The following RANBP9 variants were observed in gnomAD, a reference collection of about 807,000 sequenced individuals.
RANBP9 encodes the protein ran-binding protein 9.
Under a neutral mutation model 84.3 loss-of-function variants are expected in RANBP9, and 15 were observed. The ratio of observed to expected loss-of-function variants is 0.18; its 90% CI spans 0.12 to 0.27. RANBP9 has a LOEUF of 0.27. RANBP9 is among the 10% of genes least tolerant of loss of function. RANBP9 has a pLI of 1.00. For synonymous variants in RANBP9, 392 were observed against 349.6 expected, an observed-to-expected ratio of 1.12 and a Z score of -1.35; for missense variants, 809 against 912.8, an observed-to-expected ratio of 0.89 and a Z score of 1.46.
rs184955561 is a variant in RANBP9, at chr6:13,692,971, T to C, written c.683+3814A>G. 7.2e-5 allele frequency among the ~76,000 whole-genome samples: 11 copies of C among 152,362 alleles called. No homozygotes were observed. In the South Asian group the frequency reaches 8.3e-4, roughly 11 times the overall value. ...AGCTATAAGTTAAGTACTGGAGTTA[T>C]AGAAATTAAAATAGTCCCTTACTCT... On this transcript the variant is annotated intron_variant, in intron 2 of 13. Transcript: ENST00000011619.
intron 2 of RANBP9, among the ~76,000 whole-genome samples, chr6:13,691,396 A>T (rs1766319033): frequency 6.6e-6 from 1 of 152,132 alleles, no homozygotes; most frequent in African/African-American, 2.4e-5. Flanking sequence ...TTTTCTAGGC[A>T]ATAAAGAAAT....
intron 5 of RANBP9, among the ~76,000 whole-genome samples, chr6:13,650,699 T>C (rs1765276568): frequency 1.3e-5 from 2 of 152,286 alleles, no homozygotes; most frequent in South Asian, 4.1e-4. Flanking sequence ...AGAGACATAA[T>C]AAGAGTAATC....
At position 13,626,832 on chromosome 6, in the gene RANBP9, T is replaced by C. The variant is rs886592538; in HGVS notation, c.1948-1068A>G. Among the ~76,000 whole-genome samples the C allele has an allele frequency of 2.6e-5, 4 of 152,334 alleles. No homozygotes were observed. In the East Asian group the frequency reaches 5.8e-4, roughly 22 times the overall value. On this transcript the variant is annotated intron_variant, in intron 12 of 13. Transcript: ENST00000011619. ...CCATTTTCCATCATTTCTCTAGTTA[T>C]CTTACTAGTGTTATGAAAGCAGAGG... is the stretch of plus-strand genomic sequence containing the variant.
intron 4 of RANBP9, among the ~76,000 whole-genome samples, chr6:13,653,005 G>A (rs1175262734): frequency 1.3e-5 from 2 of 152,094 alleles, no homozygotes; most frequent in African/African-American, 4.8e-5. Flanking sequence ...AAAGTTGGTT[G>A]CAAAATAGTC....
In RANBP9 at chr6:13,651,394, G is replaced by GT. The variant is rs200838299; in HGVS notation, c.927+1264dup. ...AGTTTTTTGTTGTTGTTGTTGTTTT[G>GT]TTTTTTTGTTTTTTTTTTGAGACAG... is the stretch of plus-strand genomic sequence containing the variant. On this transcript the variant is annotated intron_variant, in intron 5 of 13. Coordinates refer to ENST00000011619, the MANE Select transcript of RANBP9 (RefSeq NM_005493.3). Among the ~76,000 whole-genome samples the GT allele has an allele frequency of 3.6e-5, 3 of 83,740 alleles. No individual in the cohort carries two copies. In the East Asian group the frequency reaches 7.3e-4, roughly 20 times the overall value. The allele number at this position is 83,740 out of a possible 152,430, so 54.9% of individuals were successfully genotyped here.
In RANBP9 at chr6:13,679,794, ATGGAG is replaced by A. The variant is rs199969347; in HGVS notation, c.683+16986_683+16990del. On this transcript the variant is annotated intron_variant, in intron 2 of 13. Coordinates refer to ENST00000011619, the MANE Select transcript of RANBP9 (RefSeq NM_005493.3). ...CCAAATGAGATGTACCTATAAAACT[ATGGAG>A]ACTGAGATGCGTTTTACTGTTTTGT... 7.8e-3 allele frequency among the ~76,000 whole-genome samples: 1,188 copies of A among 152,296 alleles called. 13 individuals are homozygous for A. The highest frequency in any genetic ancestry group is 0.027 in the African/African-American group (1,109 of 41,576).
In RANBP9 at chr6:13,641,206, T is replaced by G; in HGVS notation, c.1327A>C (p.Thr443Pro). ...TTTATTATGCAAACTCACTTTAATG[T>G]GAAAAGGAGATTAGGATTTCTTTCA... ...LLERNPNLLF[T>P]LKVRQFIEMV... Residue 443 changes from threonine (T) to proline (P), a missense_variant, in exon 8 of 14, where the codon ACA becomes CCA. Thr to Pro is a conservative substitution (Grantham distance 38). Coordinates refer to ENST00000011619, the MANE Select transcript of RANBP9 (RefSeq NM_005493.3). 1 of 1,543,654 alleles carries G rather than the reference T, an allele frequency of 6.5e-7. No individual in the cohort carries two copies. The highest frequency in any genetic ancestry group is 8.8e-7 in the Non-Finnish European group (1 of 1,129,968).
chr6:13,662,871 T>C lies in RANBP9; in HGVS notation c.684-4039A>G, dbSNP rs144466708. ...GATGTACTTAATGGCAGACTGAAGA[T>C]GGCAAAACAAATAGTAACATGAAAA... On this transcript the variant is annotated intron_variant, in intron 2 of 13. Transcript: ENST00000011619. Among the ~76,000 whole-genome samples the C allele has an allele frequency of 1.8e-4, 27 of 151,804 alleles. No homozygotes were observed. The East Asian group carries it at 3.1e-3, about 17-fold the overall frequency.
At chr6:13,694,030 G>A (rs1278690332) in intron 2 of RANBP9, among the ~76,000 whole-genome samples, 1 of 152,072 alleles carries the variant, frequency 6.6e-6, no homozygotes, top group African/African-American at 2.4e-5. Flanking sequence ...GTGACAGAGC[G>A]AGACTCTGGC....
chr6:13,635,637 A>C (rs1391512504), intron 10 of RANBP9, among the ~76,000 whole-genome samples: 2 of 151,374 alleles, frequency 1.3e-5, no homozygotes, highest in Non-Finnish European at 2.9e-5. Flanking sequence ...AAAAAACAAG[A>C]GATCTAGGGA....
chr6:13,629,915 CTCTCTCGT>C (rs756048172), intron 12 of RANBP9, among the ~76,000 whole-genome samples: 240 of 126,340 alleles, frequency 1.9e-3, no homozygotes, highest in African/African-American at 6.4e-3. Context: ...CTCTCTCTCT[CTCTCTCGT>C]GTGTGTGTGT....
chr6:13,659,062 A>G (rs142712651), intron 2 of RANBP9, among the ~76,000 whole-genome samples: 440 of 152,264 alleles, frequency 2.9e-3, no homozygotes, highest in African/African-American at 1.0e-2. Flanking sequence ...AAATACACAC[A>G]AAGCATTAAT....
At chr6:13,632,263 G>A (rs575599343) in intron 12 of RANBP9, 107 bp downstream of exon 12, 58 of 1,121,446 alleles carry the variant, frequency 5.2e-5, no homozygotes, top group Middle Eastern at 5.7e-4. Flanking sequence ...GGAAGGTCAG[G>A]TCCCAGTTCC....
At chr6:13,677,856 G>A (rs946512295) in intron 2 of RANBP9, among the ~76,000 whole-genome samples, 1 of 152,154 alleles carries the variant, frequency 6.6e-6, no homozygotes, top group African/African-American at 2.4e-5. Context: ...GGTGGCTCAA[G>A]CCTATAATCC....
intron 10 of RANBP9, among the ~76,000 whole-genome samples, chr6:13,636,663 A>G (rs1289189195): frequency 4.6e-5 from 7 of 152,198 alleles, no homozygotes; most frequent in African/African-American, 1.4e-4. Flanking sequence ...ATCTATTTTT[A>G]AACTATAATA....
intron 2 of RANBP9, among the ~76,000 whole-genome samples, chr6:13,669,300 C>T (rs1207152743): frequency 6.6e-6 from 1 of 152,122 alleles, no homozygotes; most frequent in Non-Finnish European, 1.5e-5. Flanking sequence ...TAGCAATACT[C>T]CCCAAATTAA....
chr6:13,655,773 C>T (rs1221045880), intron 4 of RANBP9, among the ~76,000 whole-genome samples: 3 of 152,080 alleles, frequency 2.0e-5, no homozygotes, highest in East Asian at 1.9e-4. Flanking sequence ...CAGATTTCTC[C>T]GGATTCAAAA....
At chr6:13,632,701 A>C in intron 11 of RANBP9, 180 bp from the exon 12 acceptor site, 3 of 615,710 alleles carry the variant, frequency 4.9e-6, no homozygotes, top group Non-Finnish European at 8.3e-6. Context: ...GATATACTTT[A>C]TTTAGCTCTC....
chr6:13,628,864 T>C (rs576131359), intron 12 of RANBP9, among the ~76,000 whole-genome samples: 2 of 152,346 alleles, frequency 1.3e-5, no homozygotes, highest in East Asian at 3.9e-4. Context: ...CATTCCTTCA[T>C]TACTGCTGGT....
Sources: gnomAD v4.1 joint callset for allele counts (sites outside exome capture counted in the v4.1 genomes callset) on GRCh38, gnomAD v4.1.1 for gene constraint, MANE v1.5 for transcripts, NCBI Gene and HGNC (gene_info 2026-07-23, HGNC 2026-07-21) for gene names.